SUPT3H: variants seen among roughly 807,000 people sequenced by gnomAD.
SUPT3H encodes SPT3 homolog, SAGA and STAGA complex component, also known as transcription initiation protein SPT3 homolog.
SUPT3H carries 44 observed loss-of-function variants against 44.3 expected under a neutral mutation model. The ratio of observed to expected loss-of-function variants is 0.99; its 90% confidence interval spans 0.78 to 1.28. The LOEUF is 1.28. Ranked by LOEUF, SUPT3H falls within the 50% of genes most tolerant of loss-of-function variation. The probability of loss-of-function intolerance (pLI) is 0.00; values close to 1 mark genes in which losing one functional copy is unlikely to be tolerated. For missense variants in SUPT3H, 380 were observed against 387.1 expected (o/e 0.98, Z 0.15); for synonymous variants, 124 against 125.6 (o/e 0.99, Z 0.09).
At chr6:44,942,075 A>G (rs1180681320) in intron 9 of SUPT3H, among the ~76,000 whole-genome samples, 2 of 152,184 alleles carry the variant, frequency 1.3e-5, no homozygotes, top group Non-Finnish European at 2.9e-5. Context: ...TCGGGAAGAA[A>G]TGTTTAAATA....
At chr6:45,211,651 C>A (rs1352961967) in intron 2 of SUPT3H, among the ~76,000 whole-genome samples, 1 of 151,890 alleles carries the variant, frequency 6.6e-6, no homozygotes, top group Non-Finnish European at 1.5e-5. Context: ...GAGATCGAGA[C>A]CATCCTGGCC....
chr6:45,041,155 T>C (rs999616046), intron 3 of SUPT3H, among the ~76,000 whole-genome samples: 1 of 152,086 alleles, frequency 6.6e-6, no homozygotes, highest in Non-Finnish European at 1.5e-5. Flanking sequence ...GGGGCTTCCA[T>C]TACGTTAGGG....
At chr6:45,232,779 G>C (rs1212896777) in intron 2 of SUPT3H, among the ~76,000 whole-genome samples, 1 of 152,114 alleles carries the variant, frequency 6.6e-6, no homozygotes, top group East Asian at 1.9e-4. Flanking sequence ...ACTGCATAAG[G>C]GTTAGGGGGA....
chr6:45,320,295 G>C (rs4129817), intron 2 of SUPT3H, among the ~76,000 whole-genome samples: 14,236 of 152,008 alleles, frequency 0.094, 833 homozygotes, highest in Middle Eastern at 0.15. Context: ...ACAGGGCTTT[G>C]CTCTGTCGCC....
At chr6:45,350,601 G>A (rs1273738712) in intron 2 of SUPT3H, among the ~76,000 whole-genome samples, 1 of 152,122 alleles carries the variant, frequency 6.6e-6, no homozygotes, top group Non-Finnish European at 1.5e-5. Flanking sequence ...GGGAAAAATA[G>A]GGGGATGAAA....
At chr6:45,175,012 T>TAAAAAAAAAA (rs57838175) in intron 2 of SUPT3H, among the ~76,000 whole-genome samples, 6 of 62,514 alleles carry the variant, frequency 9.6e-5, no homozygotes, top group Admixed American at 2.3e-4. Context: ...CCCTCGTCAC[T>TAAAAAAAAAA]AAAAAAAAAA....
At chr6:45,321,338 A>T (rs1785462463) in intron 2 of SUPT3H, among the ~76,000 whole-genome samples, 1 of 152,302 alleles carries the variant, frequency 6.6e-6, no homozygotes, top group East Asian at 1.9e-4. Context: ...TTAAACATAA[A>T]ATGGTTTACC....
chr6:45,168,554 T>C (rs2153604941), intron 2 of SUPT3H, among the ~76,000 whole-genome samples: 1 of 152,290 alleles, frequency 6.6e-6, no homozygotes, highest in Admixed American at 6.5e-5. Context: ...CTTTCTAAAA[T>C]GACTGAGACC....
intron 2 of SUPT3H, among the ~76,000 whole-genome samples, chr6:45,272,194 G>A (rs1447074438): frequency 6.6e-6 from 1 of 152,160 alleles, no homozygotes; most frequent in Non-Finnish European, 1.5e-5. Flanking sequence ...CTGTCGGGAA[G>A]GCATGTTTGG....
chr6:44,938,070 T>C (rs1771779816), intron 9 of SUPT3H, among the ~76,000 whole-genome samples: 1 of 151,810 alleles, frequency 6.6e-6, no homozygotes, highest in Non-Finnish European at 1.5e-5. Flanking sequence ...GCAGAAGCTT[T>C]TTAGTTTAAT....
chr6:45,303,640 A>C (rs1782495164), intron 2 of SUPT3H, among the ~76,000 whole-genome samples: 1 of 151,214 alleles, frequency 6.6e-6, no homozygotes, highest in Non-Finnish European at 1.5e-5. Flanking sequence ...CATTCTATTT[A>C]ATAGAATGAG....
chr6:45,132,767 C>T lies in SUPT3H; in HGVS notation c.102-26761G>A, dbSNP rs186267720. ...TTCCTTACTTTGCAAAATGATTCAA[C>T]ACTTGTTGTCCAGATTAGTGTTGGT... On this transcript the variant is annotated intron_variant, in intron 2 of 10. Transcript: ENST00000371459. Among the ~76,000 whole-genome samples, 695 of 152,288 alleles carry T rather than the reference C, an allele frequency of 4.6e-3. 2 individuals carry two copies. Among genetic ancestry groups the T allele is most frequent in the Non-Finnish European group, 7.4e-3 (504 of 68,018 alleles).
Position 45,170,827 on chromosome 6 carries a change from TTC to T in SUPT3H, c.102-64823_102-64822del, listed in dbSNP as rs200313822. On this transcript the variant is annotated intron_variant, in intron 2 of 10. Coordinates refer to ENST00000371459, the MANE Select transcript of SUPT3H (RefSeq NM_003599.4). ...ATTAACATAAGAATGCTAGCATAAT[TTC>T]TCTCTGTTTTCTTTTCCAAAATGCA... Among the ~76,000 whole-genome samples, 541 of 152,294 alleles carry T rather than the reference TTC, an allele frequency of 3.6e-3. 11 individuals carry two copies. The highest frequency in any genetic ancestry group is 0.027 in the Admixed American group (419 of 15,292).
At chr6:45,188,715 A>G (rs1814654254) in intron 2 of SUPT3H, among the ~76,000 whole-genome samples, 1 of 152,084 alleles carries the variant, frequency 6.6e-6, no homozygotes, top group Non-Finnish European at 1.5e-5. Flanking sequence ...ATCATTCAAC[A>G]TAATTCAACA....
In SUPT3H at chr6:44,891,842, C is replaced by CA. The variant is rs1203872954; in HGVS notation, c.912+40810dup. ...GATGGAGAATGGACAGATTAGTGAC[C>CA]AAAAAAAAAAGACAAATAAAATATT... On this transcript the variant is annotated intron_variant, in intron 10 of 10. Transcript: ENST00000371459. 4.1e-3 allele frequency among the ~76,000 whole-genome samples: 578 copies of CA among 141,770 alleles called. 2 individuals carry two copies. Among genetic ancestry groups the CA allele is most frequent in the African/African-American group, 0.01 (405 of 38,776 alleles). The allele number at this position is 141,770 out of a possible 152,430, so 93.0% of individuals were successfully genotyped here.
intron 5 of SUPT3H, among the ~76,000 whole-genome samples, chr6:45,005,781 C>T (rs1311238601): frequency 6.6e-6 from 1 of 151,124 alleles, no homozygotes; most frequent in Non-Finnish European, 1.5e-5. Flanking sequence ...GAGATGACTT[C>T]TCTCCACTCA....
chr6:45,249,072 T>C (rs6458434), intron 2 of SUPT3H, among the ~76,000 whole-genome samples: 129,232 of 152,092 alleles, frequency 0.85, 55,155 homozygotes, highest in African/African-American at 0.89. Context: ...AGAAACCACG[T>C]GATATCGTTT....
intron 10 of SUPT3H, among the ~76,000 whole-genome samples, chr6:44,859,506 C>T (rs986836496): frequency 6.6e-6 from 1 of 151,996 alleles, no homozygotes; most frequent in South Asian, 2.1e-4. Flanking sequence ...AATACAGAAC[C>T]CCTTTGTAGT....
intron 2 of SUPT3H, among the ~76,000 whole-genome samples, chr6:45,268,915 C>A (rs79449733): frequency 0.02 from 3,065 of 152,164 alleles, 103 homozygotes; most frequent in African/African-American, 0.07. Context: ...AAATGAAGCA[C>A]AACAATTCAT....
Sources: allele counts gnomAD v4.1 joint callset (sites outside exome capture counted in the v4.1 genomes callset), GRCh38; gene constraint gnomAD v4.1.1; transcripts MANE v1.5; gene names NCBI Gene and HGNC (gene_info 2026-07-23, HGNC 2026-07-21).